Variants in ZNF385D observed in about 807,000 individuals in gnomAD.
The protein encoded by ZNF385D is zinc finger protein 659.
Under a neutral mutation model 35.8 loss-of-function variants are expected in ZNF385D, and 15 were observed. That is an observed-to-expected ratio of 0.42 (90% confidence interval 0.28 to 0.64). The LOEUF (loss-of-function observed/expected upper bound fraction) is 0.64, where lower values mean the gene tolerates loss of function less well. Ranked by LOEUF, ZNF385D falls within the 30% of genes least tolerant of loss-of-function variation. The probability of loss-of-function intolerance (pLI) is 0.23; values close to 1 mark genes in which losing one functional copy is unlikely to be tolerated. For missense variants in ZNF385D, 474 were observed against 494.6 expected (o/e 0.96, Z 0.39); for synonymous variants, 212 against 186.8 (o/e 1.13, Z -1.10).
chr3:22,155,002 T>C (rs961632570), intron 3 of ZNF385D, among the ~76,000 whole-genome samples: 7 of 152,116 alleles, frequency 4.6e-5, no homozygotes, highest in African/African-American at 1.4e-4. Flanking sequence ...AAGGCAGCCA[T>C]TGAACAGTGT....
intron 3 of ZNF385D, among the ~76,000 whole-genome samples, chr3:21,999,776 A>AT (rs1356656200): frequency 0.018 from 1,870 of 105,422 alleles, 50 homozygotes; most frequent in African/African-American, 0.077. Context: ...CAGGCAAAAA[A>AT]AAAAAAAATA....
intron 3 of ZNF385D, among the ~76,000 whole-genome samples, chr3:21,863,406 G>A (rs1429057030): frequency 1.3e-5 from 2 of 152,074 alleles, no homozygotes; most frequent in Admixed American, 6.6e-5. Flanking sequence ...TGACTGCATG[G>A]AAAGATGAAT....
chr3:22,320,724 GAAT>G (rs1694371109), intron 2 of ZNF385D, among the ~76,000 whole-genome samples: 3 of 150,618 alleles, frequency 2.0e-5, no homozygotes, highest in Non-Finnish European at 4.4e-5. Context: ...TTTCTTTGAG[GAAT>G]ATTATTTTGT....
Position 21,542,068 on chromosome 3 carries a change from T to A in ZNF385D, c.276+22506A>T, listed in dbSNP as rs114595925. 7.0e-3 allele frequency among the ~76,000 whole-genome samples: 1,072 copies of A among 152,248 alleles called. 13 individuals are homozygous for A. The highest frequency in any genetic ancestry group is 0.024 in the African/African-American group (984 of 41,566). On this transcript the variant is annotated intron_variant, in intron 3 of 7. Transcript: ENST00000281523. ...TTGACAATAGTAATTTTTTTTCAAA[T>A]AAACTAAAACTCGGAGGCTTCTACA... is the stretch of plus-strand genomic sequence containing the variant.
chr3:21,689,596 G>C (rs757465913), intron 1 of ZNF385D, among the ~76,000 whole-genome samples: 15 of 152,138 alleles, frequency 9.9e-5, no homozygotes, highest in Non-Finnish European at 1.9e-4. Context: ...ATCAATCTTT[G>C]AAAACCTGCT....
chr3:22,061,748 C>T (rs981984387), intron 3 of ZNF385D, among the ~76,000 whole-genome samples: 1 of 152,186 alleles, frequency 6.6e-6, no homozygotes, highest in African/African-American at 2.4e-5. Context: ...TCCCTTTGCC[C>T]TCTACCACTG....
At chr3:21,425,733 G>T (rs534530271) in intron 5 of ZNF385D, 63 bp from the exon 6 acceptor site, 10 of 1,444,684 alleles carry the variant, frequency 6.9e-6, no homozygotes, top group Non-Finnish European at 8.3e-6. Flanking sequence ...GAGAGAAGGA[G>T]GTGGGATGGG....
intron 2 of ZNF385D, among the ~76,000 whole-genome samples, chr3:22,333,525 C>T (rs1173472599): frequency 6.6e-6 from 1 of 152,036 alleles, no homozygotes; most frequent in Non-Finnish European, 1.5e-5. Context: ...TCTTCAATTT[C>T]ACTGAACTTC....
intron 2 of ZNF385D, among the ~76,000 whole-genome samples, chr3:21,637,962 T>A (rs2065495209): frequency 6.6e-6 from 1 of 152,078 alleles, no homozygotes; most frequent in Non-Finnish European, 1.5e-5. Context: ...CCCTATACTT[T>A]CCTATCTTAA....
At chr3:22,002,410 C>G (rs1395257686) in intron 3 of ZNF385D, among the ~76,000 whole-genome samples, 1 of 152,036 alleles carries the variant, frequency 6.6e-6, no homozygotes, top group Admixed American at 6.6e-5. Flanking sequence ...AAACTAATAA[C>G]AAGAAGCAAG....
At chr3:21,711,039 G>GTTTTTTGTTTTTT (rs1269796345) in intron 1 of ZNF385D, among the ~76,000 whole-genome samples, 3 of 83,138 alleles carry the variant, frequency 3.6e-5, no homozygotes, top group Admixed American at 1.8e-4. Context: ...CCCTCTAAAA[G>GTTTTTTGTTTTTT]TTTTTTTTTT....
intron 1 of ZNF385D, among the ~76,000 whole-genome samples, chr3:21,698,285 A>T (rs1370927268): frequency 6.6e-6 from 1 of 152,172 alleles, no homozygotes; most frequent in Non-Finnish European, 1.5e-5. Context: ...TAACAAAATC[A>T]TATCTTTTAC....
intron 3 of ZNF385D, among the ~76,000 whole-genome samples, chr3:21,966,010 G>C (rs1559798821): frequency 6.6e-6 from 1 of 152,146 alleles, no homozygotes. Context: ...CACTTTGAGG[G>C]AATGTAGAAA....
At chr3:21,562,349 C>T (rs770791654) in intron 3 of ZNF385D, among the ~76,000 whole-genome samples, 11 of 151,960 alleles carry the variant, frequency 7.2e-5, no homozygotes, top group Non-Finnish European at 1.3e-4. Context: ...TCTAAAGTGT[C>T]CAATCATGAA....
At position 21,692,905 on chromosome 3, in the gene ZNF385D, C is replaced by T. The variant is rs372450108; in HGVS notation, c.23-27877G>A. 4.2e-4 allele frequency among the ~76,000 whole-genome samples: 64 copies of T among 152,318 alleles called. 1 individual carries two copies. Among genetic ancestry groups the T allele is most frequent in the African/African-American group, 1.5e-3 (61 of 41,564 alleles). On this transcript the variant is annotated intron_variant, in intron 1 of 7. Transcript: ENST00000281523. ...CAGAATTTTATTATCATTATCCAGA[C>T]ATCTGTCAGCTTCCTCCAATATACT...
chr3:21,866,568 C>T (rs998285968), intron 3 of ZNF385D, among the ~76,000 whole-genome samples: 2 of 152,140 alleles, frequency 1.3e-5, no homozygotes, highest in Non-Finnish European at 2.9e-5. Flanking sequence ...TTAAAGGTTT[C>T]GGGACCTCAG....
At chr3:22,201,316 GAA>G (rs1183725568) in intron 2 of ZNF385D, among the ~76,000 whole-genome samples, 1 of 151,984 alleles carries the variant, frequency 6.6e-6, no homozygotes, top group Non-Finnish European at 1.5e-5. Context: ...TCAACTGAGA[GAA>G]AATTAAATAA....
chr3:21,764,116 A>G (rs1053611325), intron 3 of ZNF385D, among the ~76,000 whole-genome samples: 1 of 152,176 alleles, frequency 6.6e-6, no homozygotes. Flanking sequence ...CGTCTAATAT[A>G]AAGAACGCGG....
chr3:21,824,516 C>T (rs1694477322), intron 3 of ZNF385D, among the ~76,000 whole-genome samples: 1 of 152,130 alleles, frequency 6.6e-6, no homozygotes, highest in African/African-American at 2.4e-5. Flanking sequence ...TATGTCTGTA[C>T]ATATATGCCT....
Sources: gnomAD v4.1 joint callset for allele counts (sites outside exome capture counted in the v4.1 genomes callset) on GRCh38, gnomAD v4.1.1 for gene constraint, MANE v1.5 for transcripts, NCBI Gene and HGNC (gene_info 2026-07-23, HGNC 2026-07-21) for gene names.